Variants in HDAC4 observed in about 807,000 individuals in gnomAD.
HDAC4 encodes histone deacetylase 4, also known as histone deacetylase A.
HDAC4 carries 16 observed loss-of-function variants against 135.1 expected under a neutral mutation model. That is an observed-to-expected ratio of 0.12 (90% CI 0.08 to 0.18). The LOEUF (loss-of-function observed/expected upper bound fraction) is 0.18. HDAC4 is among the 10% of genes least tolerant of loss of function. The pLI is 1.00. For synonymous variants in HDAC4, 685 were observed against 653.4 expected (o/e 1.05, Z -0.74); for missense variants, 1,143 against 1,511.8 (o/e 0.76, Z 4.05).
At position 239,139,621 on chromosome 2, in the gene HDAC4, C is replaced by T; in HGVS notation, c.978+63G>A. 6.9e-7 allele frequency: 1 copy of T among 1,444,706 alleles called. No individual in the cohort carries two copies. Among genetic ancestry groups the T allele is most frequent in the Non-Finnish European group, 9.7e-7 (1 of 1,025,942 alleles). The allele number at this position is 1,444,706 out of a possible 1,614,324, so 89.5% of individuals were successfully genotyped here. On this transcript the variant is annotated intron_variant, in intron 9 of 26. Coordinates refer to ENST00000543185, the MANE Select transcript of HDAC4 (RefSeq NM_001378414.1). This position sits in a 1 kb window ranked among gnomAD's most constrained non-coding sequence, Gnocchi z 5.3. Reference sequence around the variant, plus strand: ...GGGCAAGTGCAAAGTGGGGTCATTTCAAGCTCATCCGTCCCGAGTCCGACT... The same window carrying T: ...GGGCAAGTGCAAAGTGGGGTCATTTTAAGCTCATCCGTCCCGAGTCCGACT...
At chr2:239,212,046 G>A (rs1031510784) in intron 3 of HDAC4, among the ~76,000 whole-genome samples, 4 of 152,206 alleles carry the variant, frequency 2.6e-5, no homozygotes, top group African/African-American at 9.7e-5. Context: ...AAATGCTCTT[G>A]AAGACTTTGC....
chr2:239,375,211 A>C (rs1235286844), intron 1 of HDAC4, among the ~76,000 whole-genome samples: 1 of 152,206 alleles, frequency 6.6e-6, no homozygotes, highest in Non-Finnish European at 1.5e-5. Flanking sequence ...GGAAGAAGTC[A>C]GCAGAGCCAG....
intron 2 of HDAC4, among the ~76,000 whole-genome samples, chr2:239,276,659 A>T (rs1393058446): frequency 1.3e-5 from 2 of 152,010 alleles, no homozygotes; most frequent in African/African-American, 4.8e-5. Context: ...CGCTGCCTGG[A>T]CACTGCCTGC....
At chr2:239,104,254 G>C (rs988485265) in intron 15 of HDAC4, among the ~76,000 whole-genome samples, 9 of 152,100 alleles carry the variant, frequency 5.9e-5, no homozygotes, top group Non-Finnish European at 1.2e-4. Context: ...TTTTGAAACG[G>C]AGTTTCGCTC....
intron 2 of HDAC4, among the ~76,000 whole-genome samples, chr2:239,304,423 T>C (rs115897895): frequency 1.3e-3 from 199 of 152,290 alleles, no homozygotes; most frequent in African/African-American, 4.7e-3. Flanking sequence ...TATTAATAAT[T>C]TGAAAAAGCA....
intron 2 of HDAC4, among the ~76,000 whole-genome samples, chr2:239,292,301 G>C (rs1445488386): frequency 1.3e-5 from 2 of 152,256 alleles, no homozygotes; most frequent in Non-Finnish European, 2.9e-5. Context: ...TGGTACGGCA[G>C]AAGACAAGAT....
chr2:239,381,595 A>G (rs1337916719), intron 1 of HDAC4, among the ~76,000 whole-genome samples: 1 of 152,244 alleles, frequency 6.6e-6, no homozygotes, highest in African/African-American at 2.4e-5. Context: ...ACAGTGGAAC[A>G]AAATCCATAC....
At chr2:239,066,496 A>T (rs1437592951) in intron 24 of HDAC4, among the ~76,000 whole-genome samples, 2 of 152,234 alleles carry the variant, frequency 1.3e-5, no homozygotes, top group Non-Finnish European at 2.9e-5. Context: ...TCACGACAAG[A>T]GGGCTCCTTC....
intron 1 of HDAC4, among the ~76,000 whole-genome samples, chr2:239,358,084 T>C (rs1448163639): frequency 6.6e-6 from 1 of 152,130 alleles, no homozygotes; most frequent in Non-Finnish European, 1.5e-5. Flanking sequence ...AACACACGTC[T>C]TCGTGGGCCT....
chr2:239,150,063 T>G (rs528225861), intron 7 of HDAC4, among the ~76,000 whole-genome samples: 1 of 152,294 alleles, frequency 6.6e-6, no homozygotes, highest in African/African-American at 2.4e-5. Context: ...TTAGACTACT[T>G]GAGAGAAAGG....
At position 239,307,154 on chromosome 2, in the gene HDAC4, GGGT is replaced by G. The variant is rs2052638913; in HGVS notation, c.22+45521_22+45523del. On this transcript the variant is annotated intron_variant, in intron 2 of 26. Coordinates refer to ENST00000543185, the MANE Select transcript of HDAC4 (RefSeq NM_001378414.1). This position sits in a 1 kb window ranked among gnomAD's most constrained non-coding sequence, Gnocchi z 4.8. ...GCCGTCCATCCTGGGTGCCCACGAG[GGGT>G]CTGGAAACCCTGACAGGGAGGGAGA... 6.6e-6 allele frequency among the ~76,000 whole-genome samples: 1 copy of G among 152,068 alleles called. No individual in the cohort carries two copies. The highest frequency in any genetic ancestry group is 1.9e-4 in the East Asian group (1 of 5,144).
chr2:239,370,829 G>A (rs966094060), intron 1 of HDAC4, among the ~76,000 whole-genome samples: 2 of 152,198 alleles, frequency 1.3e-5, no homozygotes, highest in East Asian at 3.9e-4. Context: ...AAATGATGAT[G>A]ATTACTTTAA....
chr2:239,295,100 G>T (rs1342016393), intron 2 of HDAC4, among the ~76,000 whole-genome samples: 1 of 151,888 alleles, frequency 6.6e-6, no homozygotes, highest in Admixed American at 6.6e-5. Context: ...GAGGTCAGGA[G>T]ATCGAGACCA....
chr2:239,299,172 GCCTA>G lies in HDAC4; in HGVS notation c.22+53502_22+53505del, dbSNP rs1300234650. 1.3e-5 allele frequency among the ~76,000 whole-genome samples: 2 copies of G among 152,040 alleles called. No homozygotes were observed. The highest frequency in any genetic ancestry group is 2.9e-5 in the Non-Finnish European group (2 of 68,004). On this transcript the variant is annotated intron_variant, in intron 2 of 26. Coordinates refer to ENST00000543185, the MANE Select transcript of HDAC4 (RefSeq NM_001378414.1). The surrounding 1 kb of genome is among the most constrained non-coding windows in gnomAD (Gnocchi z 4.0). ...AAGCTATTGCACCCGGCCTGTCATA[GCCTA>G]CCTTATTCCAAATATCCAAAACCTG...
rs573412985 is a variant in HDAC4 at position 239,084,841 on chromosome 2, C to A, written c.2445-599G>T. On this transcript the variant is annotated intron_variant, in intron 19 of 26. Coordinates refer to ENST00000543185, the MANE Select transcript of HDAC4 (RefSeq NM_001378414.1). ...GATAGAGACACACACACCATGCAAA[C>A]GCCCTACACACATATATGCCCCACA... Among the ~76,000 whole-genome samples the A allele has an allele frequency of 1.6e-3, 235 of 151,310 alleles. 1 individual carries two copies. Among genetic ancestry groups the A allele is most frequent in the African/African-American group, 5.3e-3 (218 of 41,104 alleles).
intron 1 of HDAC4, among the ~76,000 whole-genome samples, chr2:239,393,005 T>C (rs1473417033): frequency 6.6e-6 from 1 of 152,148 alleles, no homozygotes; most frequent in Non-Finnish European, 1.5e-5. Context: ...TGACAGCTAC[T>C]CTACAGAATC....
At chr2:239,293,461 C>T (rs1273981824) in intron 2 of HDAC4, among the ~76,000 whole-genome samples, 1 of 152,182 alleles carries the variant, frequency 6.6e-6, no homozygotes. Context: ...ATACAATCTA[C>T]CCCAGCAGGG....
chr2:239,120,102 G>A (rs1457635394), intron 12 of HDAC4, among the ~76,000 whole-genome samples: 1 of 152,226 alleles, frequency 6.6e-6, no homozygotes, highest in Non-Finnish European at 1.5e-5. Flanking sequence ...GGTGGGTAGA[G>A]GGCAGCTCAG....
At chr2:239,160,854 G>A (rs531733087) in intron 6 of HDAC4, among the ~76,000 whole-genome samples, 1 of 152,360 alleles carries the variant, frequency 6.6e-6, no homozygotes, top group South Asian at 2.1e-4. Context: ...CAGGGTTGGT[G>A]GGTATTTGTC....
Sources: gnomAD v4.1 joint callset for allele counts (sites outside exome capture counted in the v4.1 genomes callset) on GRCh38, gnomAD v4.1.1 for gene constraint, Gnocchi (gnomAD v3.1) non-coding constraint, MANE v1.5 for transcripts, NCBI Gene and HGNC (gene_info 2026-07-23, HGNC 2026-07-21) for gene names.